The following WDFY3 variants were observed in gnomAD, a reference collection of about 807,000 sequenced individuals.
WDFY3 encodes WD repeat and FYVE domain containing 3.
WDFY3 carries 66 observed loss-of-function variants against 409.6 expected under a neutral mutation model. The ratio of observed to expected loss-of-function variants is 0.16; its 90% CI spans 0.13 to 0.20. The LOEUF is 0.20. Among genes scored for constraint, WDFY3 ranks in the 10% least tolerant of loss-of-function variants. The pLI, the probability that WDFY3 is intolerant of heterozygous loss-of-function variation, is 1.00. For synonymous variants in WDFY3, 1,521 were observed against 1,537.1 expected (o/e 0.99, Z 0.25); for missense variants, 3,031 against 4,298.1 (o/e 0.71, Z 8.24).
At chr4:84,947,420 G>A (rs1348592964) in intron 1 of WDFY3, among the ~76,000 whole-genome samples, 2 of 151,150 alleles carry the variant, frequency 1.3e-5, no homozygotes, top group African/African-American at 4.9e-5. Context: ...GCTGAGGCAG[G>A]AGAATCGCTT....
intron 2 of WDFY3, among the ~76,000 whole-genome samples, chr4:84,921,682 G>T (rs1439061535): frequency 2.4e-5 from 3 of 122,642 alleles, no homozygotes; most frequent in African/African-American, 3.3e-5. Context: ...TTTTGAGACG[G>T]AGTCTCACTC....
chr4:84,795,601 A>C (rs1211258252), intron 19 of WDFY3, among the ~76,000 whole-genome samples: 2 of 152,132 alleles, frequency 1.3e-5, no homozygotes, highest in Admixed American at 1.3e-4. Context: ...ATCTCCACTA[A>C]AAATACAAAA....
rs1043035511 is a variant in WDFY3 at position 84,849,891 on chromosome 4, T to G, written c.304+11A>C. 1.9e-6 allele frequency: 3 copies of G among 1,608,314 alleles called. No individual in the cohort carries two copies. The Admixed American group carries it at 5.1e-5, about 28-fold the overall frequency. On this transcript the variant is annotated intron_variant, in intron 5 of 67. Transcript: ENST00000295888. ...AAACAAATCAGTTTTTGCTGGCTAC[T>G]GTAAAAATACCTGTGGATTTGTTTG...
At chr4:84,885,896 T>C (rs991186617) in intron 3 of WDFY3, among the ~76,000 whole-genome samples, 3 of 152,164 alleles carry the variant, frequency 2.0e-5, no homozygotes, top group East Asian at 3.9e-4. Flanking sequence ...AATTCTCTCA[T>C]TGGAAGCAAT....
chr4:84,963,955 G>A (rs939575461), intron 1 of WDFY3, among the ~76,000 whole-genome samples: 5 of 152,136 alleles, frequency 3.3e-5, no homozygotes, highest in African/African-American at 1.2e-4. Flanking sequence ...AGAAATGAAG[G>A]ACATAAATCA....
rs551789152 is a variant in WDFY3, at chr4:84,950,901, T to C, written c.-226+15308A>G. Among the ~76,000 whole-genome samples the C allele has an allele frequency of 2.6e-5, 4 of 152,360 alleles. No homozygotes were observed. The East Asian group carries it at 7.7e-4, about 29-fold the overall frequency. ...TAAAGTGTCAAATGTACTCAGCTTA[T>C]ACTGCAATACAATCACTGCAGAATG... On this transcript the variant is annotated intron_variant, in intron 1 of 67. Transcript: ENST00000295888.
rs1016708624 is a variant in WDFY3 at position 84,924,927 on chromosome 4, A to G, written c.-132+7343T>C. 2.6e-5 allele frequency among the ~76,000 whole-genome samples: 4 copies of G among 152,240 alleles called. 1 individual carries two copies. The East Asian group carries it at 7.7e-4, about 29-fold the overall frequency. On this transcript the variant is annotated intron_variant, in intron 2 of 67. Transcript: ENST00000295888. ...CCCTTGAAAATTTGCAAGAACCAGT[A>G]CAATATACTATTACATGTATACTTC...
intron 30 of WDFY3, among the ~76,000 whole-genome samples, chr4:84,769,204 T>C (rs1213069234): frequency 6.6e-6 from 1 of 152,156 alleles, no homozygotes; most frequent in African/African-American, 2.4e-5. Flanking sequence ...GCTTTGAACA[T>C]TGTTCAAATA....
intron 30 of WDFY3, among the ~76,000 whole-genome samples, chr4:84,771,076 G>A (rs925241493): frequency 1.8e-4 from 27 of 152,078 alleles, no homozygotes; most frequent in Admixed American, 6.5e-5. Flanking sequence ...ACACTACTAT[G>A]GTTACTGAAT....
Position 84,826,854 on chromosome 4 carries a change from A to G in WDFY3, c.1084T>C (p.Leu362=). ...TGAGGTACTGCAAATCCAGGCAATA[A>G]AAAGGGTGCCCCTGTGGTAATACCA... The part of the protein sequence containing the change: ...PAGITTGAPF[L]LPGFAVPQPA... The change falls in exon 10 of 68, where the codon TTA becomes CTA. Residue 362 remains leucine, a synonymous_variant. Coordinates refer to ENST00000295888, the MANE Select transcript of WDFY3 (RefSeq NM_014991.6). 1 of 1,609,874 alleles carries G rather than the reference A, an allele frequency of 6.2e-7. No homozygotes were observed. The highest frequency in any genetic ancestry group is 1.1e-5 in the South Asian group (1 of 90,146).
At chr4:84,765,134 T>C (rs949450255) in intron 32 of WDFY3, among the ~76,000 whole-genome samples, 4 of 152,228 alleles carry the variant, frequency 2.6e-5, no homozygotes, top group Non-Finnish European at 4.4e-5. Context: ...CTGAATGACT[T>C]TGCCTTTAAA....
At chr4:84,888,594 C>T (rs1764533117) in intron 3 of WDFY3, among the ~76,000 whole-genome samples, 1 of 152,072 alleles carries the variant, frequency 6.6e-6, no homozygotes, top group African/African-American at 2.4e-5. Flanking sequence ...TTTTTTCTTG[C>T]ATATCCACTA....
chr4:84,863,352 G>A (rs1018239883), intron 3 of WDFY3, among the ~76,000 whole-genome samples: 2 of 152,120 alleles, frequency 1.3e-5, no homozygotes, highest in Non-Finnish European at 2.9e-5. Flanking sequence ...CAGTGTACAA[G>A]AGTCCCCCAT....
intron 44 of WDFY3, among the ~76,000 whole-genome samples, chr4:84,731,488 C>T (rs543602345): frequency 2.0e-5 from 3 of 152,174 alleles, no homozygotes; most frequent in Non-Finnish European, 4.4e-5. Context: ...CTGTACCTGT[C>T]TCTCCTTCCT....
rs773894368 is a variant in WDFY3 at position 84,896,896 on chromosome 4, T to C, written c.-32+15A>G. ...TAAAAACAAAAACCCACAATTTTTC[T>C]TCCCAGAGACTGACCTTTAGGGAAT... On this transcript the variant is annotated intron_variant, in intron 3 of 67. Coordinates refer to ENST00000295888, the MANE Select transcript of WDFY3 (RefSeq NM_014991.6). The C allele has an allele frequency of 1.1e-4, 16 of 152,308 alleles. No individual in the cohort carries two copies. Among genetic ancestry groups the C allele is most frequent in the South Asian group, 8.3e-4 (4 of 4,828 alleles). 9.4% of individuals were successfully genotyped at this position (152,308 alleles called of 1,614,324 possible). A position where few individuals can be genotyped will look rare whatever the true frequency, so the allele number is the denominator to read the frequency against.
At chr4:84,818,216 C>T (rs1258670138) in intron 12 of WDFY3, among the ~76,000 whole-genome samples, 1 of 152,098 alleles carries the variant, frequency 6.6e-6, no homozygotes, top group Non-Finnish European at 1.5e-5. Flanking sequence ...AGGATGTATG[C>T]CTACATAGCC....
Position 84,693,052 on chromosome 4 carries a change from CT to C in WDFY3, c.8902-21del. ...AAATAACTGGTATGAAAGAAGATGA[CT>C]CACTTTATAATGAAAGATAACACTT... On this transcript the variant is annotated intron_variant, in intron 58 of 67. Transcript: ENST00000295888. 1.7e-5 allele frequency: 28 copies of C among 1,606,070 alleles called. No individual in the cohort carries two copies. The highest frequency in any genetic ancestry group is 2.3e-5 in the Non-Finnish European group (27 of 1,177,944).
chr4:84,946,324 T>C (rs1057396230), intron 1 of WDFY3, among the ~76,000 whole-genome samples: 4 of 152,188 alleles, frequency 2.6e-5, no homozygotes, highest in African/African-American at 9.6e-5. Context: ...ACCCTTCTCT[T>C]TCCCTTTAAA....
At chr4:84,938,078 T>C (rs1323935988) in intron 1 of WDFY3, among the ~76,000 whole-genome samples, 1 of 152,164 alleles carries the variant, frequency 6.6e-6, no homozygotes, top group African/African-American at 2.4e-5. Context: ...TTCCCTTCTA[T>C]TCCTATTTGT....
Sources: gnomAD v4.1 joint callset for allele counts (sites outside exome capture counted in the v4.1 genomes callset) on GRCh38, gnomAD v4.1.1 for gene constraint, MANE v1.5 for transcripts, NCBI Gene and HGNC (gene_info 2026-07-23, HGNC 2026-07-21) for gene names.